The following ATF7 variants were observed in gnomAD, a reference collection of about 807,000 sequenced individuals.
The protein encoded by ATF7 is activating transcription factor 7, also known as cyclic AMP-dependent transcription factor ATF-7.
A neutral mutation model predicts 50.4 loss-of-function variants in ATF7; 10 were observed. The observed-to-expected ratio is 0.20, with a 90% CI of 0.12 to 0.34. The LOEUF is 0.34. Among genes scored for constraint, ATF7 ranks in the 10% least tolerant of loss-of-function variants. The pLI, the probability that ATF7 is intolerant of heterozygous loss-of-function variation, is 1.00. For missense variants in ATF7, 465 were observed against 613.9 expected (o/e 0.76, Z 2.56); for synonymous variants, 201 against 226.4 (o/e 0.89, Z 1.01).
chr12:53,521,149 C>T (rs1324765124), intron 11 of ATF7, among the ~76,000 whole-genome samples: 2 of 152,132 alleles, frequency 1.3e-5, no homozygotes, highest in African/African-American at 2.4e-5. Flanking sequence ...CATGCCACCA[C>T]GCCCAGCTAA....
intron 2 of ATF7, among the ~76,000 whole-genome samples, chr12:53,559,563 C>T (rs1940968494): frequency 6.6e-6 from 1 of 151,550 alleles, no homozygotes; most frequent in Non-Finnish European, 1.5e-5. Flanking sequence ...CCTGTAGTCC[C>T]AGCTACTCGG....
intron 2 of ATF7, chr12:53,574,683 G>GA (rs1164216251): frequency 6.2e-6 from 1 of 162,188 alleles, no homozygotes; most frequent in Admixed American, 6.5e-5. Flanking sequence ...TCAAGAGACA[G>GA]AAAAAAGCAC....
chr12:53,589,985 T>G (rs1328707834), intron 2 of ATF7, among the ~76,000 whole-genome samples: 2 of 152,156 alleles, frequency 1.3e-5, no homozygotes, highest in Non-Finnish European at 2.9e-5. Context: ...CCCAGGCTGA[T>G]CTCGAACCCC....
chr12:53,608,710 T>G (rs905840738), intron 1 of ATF7, among the ~76,000 whole-genome samples: 5 of 152,120 alleles, frequency 3.3e-5, no homozygotes, highest in Admixed American at 2.6e-4. Context: ...AATAAAAAAA[T>G]TATATGCAAA....
intron 1 of ATF7, among the ~76,000 whole-genome samples, chr12:53,604,636 C>CA (rs1336345526): frequency 6.6e-6 from 1 of 152,016 alleles, no homozygotes; most frequent in Non-Finnish European, 1.5e-5. Flanking sequence ...TAAGATGGCC[C>CA]AACTCTAAGC....
chr12:53,536,402 G>GAGT (rs1939224486), intron 5 of ATF7, among the ~76,000 whole-genome samples: 1 of 151,250 alleles, frequency 6.6e-6, no homozygotes, highest in Admixed American at 6.6e-5. Context: ...TCAGCCTCCC[G>GAGT]AGTAGCTGGG....
At chr12:53,554,698 A>G (rs188198702) in intron 2 of ATF7, among the ~76,000 whole-genome samples, 1 of 151,480 alleles carries the variant, frequency 6.6e-6, no homozygotes, top group Admixed American at 6.6e-5. Flanking sequence ...CCCCATCTCT[A>G]CAAAAAACAC....
chr12:53,513,378 C>G lies in ATF7; in HGVS notation c.*3759G>C, dbSNP rs1221397986. On this transcript the variant is annotated 3_prime_UTR_variant, in exon 12 of 12. Transcript: ENST00000420353. ...TACAAACAGACACAGAGAAATCAGT[C>G]CTGTACTATGAGAGGGATGACTAGA... The G allele has an allele frequency of 6.6e-6, 1 of 152,046 alleles. No homozygotes were observed. Among genetic ancestry groups the G allele is most frequent in the Non-Finnish European group, 1.5e-5 (1 of 68,018 alleles). The allele number at this position is 152,046 out of a possible 1,614,324, so 9.4% of individuals were successfully genotyped here. A position where few individuals can be genotyped will look rare whatever the true frequency, so the allele number is the denominator to read the frequency against.
chr12:53,584,055 CT>C, intron 2 of ATF7, among the ~76,000 whole-genome samples: 1 of 152,200 alleles, frequency 6.6e-6, no homozygotes, highest in East Asian at 1.9e-4. Flanking sequence ...TCTTGGCTCA[CT>C]GCAACCTCCG....
chr12:53,532,026 G>A, intron 8 of ATF7, 130 bp from the exon 9 acceptor site: 1 of 1,048,050 alleles, frequency 9.5e-7, no homozygotes. Flanking sequence ...CCTTAACAGA[G>A]GAATTAAGAG....
chr12:53,552,474 TG>T, intron 3 of ATF7, 66 bp downstream of exon 3: 1 of 1,216,760 alleles, frequency 8.2e-7, no homozygotes, highest in Non-Finnish European at 1.2e-6. Context: ...CCAGTACATC[TG>T]GTCTCTGGTA....
rs1019419184 is a variant in ATF7 at position 53,541,256 on chromosome 12, C to T, written c.264+2074G>A. 3.9e-5 allele frequency among the ~76,000 whole-genome samples: 6 copies of T among 152,210 alleles called. No homozygotes were observed. In the East Asian group the frequency reaches 1.2e-3, roughly 29 times the overall value. ...TCTTAAATATAGGGAAAAATAGAAG[C>T]GGTTCCAGCTATTCTATATTCTGAT... On this transcript the variant is annotated intron_variant, in intron 4 of 11. Coordinates refer to ENST00000420353, the MANE Select transcript of ATF7 (RefSeq NM_006856.3).
intron 2 of ATF7, among the ~76,000 whole-genome samples, chr12:53,585,467 C>A (rs1942635580): frequency 6.6e-6 from 1 of 151,906 alleles, no homozygotes; most frequent in Admixed American, 6.6e-5. Context: ...ATCCTCTGCA[C>A]TTTTCACTCA....
chr12:53,622,427 T>C (rs1944422756), intron 1 of ATF7, among the ~76,000 whole-genome samples: 1 of 151,842 alleles, frequency 6.6e-6, no homozygotes, highest in Non-Finnish European at 1.5e-5. Context: ...GAGACCATCC[T>C]GGCTAACACG....
chr12:53,531,033 C>A (rs1307400108), intron 9 of ATF7, among the ~76,000 whole-genome samples: 1 of 152,080 alleles, frequency 6.6e-6, no homozygotes, highest in Non-Finnish European at 1.5e-5. Flanking sequence ...AGGAAAGAGA[C>A]TAGGGGAGCC....
Position 53,534,658 on chromosome 12 carries a change from T to C in ATF7, c.404A>G (p.Glu135Gly), listed in dbSNP as rs1939114954. 1 of 1,609,924 alleles carries C rather than the reference T, an allele frequency of 6.2e-7. No homozygotes were observed. The highest frequency in any genetic ancestry group is 8.5e-7 in the Non-Finnish European group (1 of 1,178,860). The change falls in exon 6 of 12, where the codon GAG becomes GGG. Residue 135 changes from glutamate to glycine, a missense_variant and splice_region_variant. By Grantham distance (98) the Glu-to-Gly change is moderately conservative (BLOSUM62 -2). Transcript: ENST00000420353. ...GATCAGAACAGGCTTTGGGGTAACC[T>C]CCTGGAGAAAAGAAACCAACAGATC... is the stretch of plus-strand genomic sequence containing the variant. ...SPCSPPLKEK[E>G]VTPKPVLIST...
rs138470855 is a variant in ATF7 at position 53,579,284 on chromosome 12, C to T, written c.48+21669G>A. On this transcript the variant is annotated intron_variant, in intron 2 of 11. Transcript: ENST00000420353. ...GTGCAGTGGCTCACGCCTGCAATCC[C>T]AGCACTTTGGGAGGCCAAGGCGGGC... 1.9e-3 allele frequency among the ~76,000 whole-genome samples: 293 copies of T among 151,442 alleles called. 1 individual carries two copies. The highest frequency in any genetic ancestry group is 7.0e-3 in the African/African-American group (287 of 41,256).
intron 2 of ATF7, among the ~76,000 whole-genome samples, chr12:53,553,331 A>G (rs1363894056): frequency 6.6e-6 from 1 of 152,234 alleles, no homozygotes; most frequent in Non-Finnish European, 1.5e-5. Context: ...AGGCCAGTAC[A>G]ATGCTGATGA....
chr12:53,581,476 A>C (rs1275552558), intron 2 of ATF7, among the ~76,000 whole-genome samples: 2 of 152,202 alleles, frequency 1.3e-5, no homozygotes, highest in African/African-American at 4.8e-5. Flanking sequence ...GTTTAAAAGA[A>C]ATCACACAAT....
Sources: allele counts gnomAD v4.1 joint callset (sites outside exome capture counted in the v4.1 genomes callset), GRCh38; gene constraint gnomAD v4.1.1; transcripts MANE v1.5; gene names NCBI Gene and HGNC (gene_info 2026-07-23, HGNC 2026-07-21).